The following KCNQ1 variants were observed in gnomAD, a reference collection of about 807,000 sequenced individuals.
KCNQ1 encodes potassium voltage-gated channel subfamily KQT member 1.
Under a neutral mutation model 72.4 loss-of-function variants are expected in KCNQ1, and 49 were observed. That is an observed-to-expected ratio of 0.68 (90% confidence interval 0.54 to 0.86). The LOEUF (loss-of-function observed/expected upper bound fraction) is 0.86. Ranked by LOEUF, KCNQ1 falls within the 40% of genes least tolerant of loss-of-function variation. The probability of loss-of-function intolerance (pLI) is 0.00; values close to 1 mark genes in which losing one functional copy is unlikely to be tolerated. For missense variants in KCNQ1, 790 were observed against 945.1 expected (o/e 0.84, Z 2.15); for synonymous variants, 450 against 412.6 (o/e 1.09, Z -1.10).
chr11:2,577,748 G>T (rs559503779), intron 6 of KCNQ1, among the ~76,000 whole-genome samples: 26 of 152,222 alleles, frequency 1.7e-4, no homozygotes, highest in African/African-American at 6.0e-4. Flanking sequence ...GAGACAGGCC[G>T]GAGTCTCCAG....
chr11:2,626,140 C>T lies in KCNQ1; in HGVS notation c.1394-35821C>T. The T allele has an allele frequency of 2.5e-6, 1 of 398,230 alleles. No homozygotes were observed. The highest frequency in any genetic ancestry group is 4.4e-6 in the Non-Finnish European group (1 of 226,054). 24.7% of individuals were successfully genotyped at this position (398,230 alleles called of 1,614,324 possible). A position where few individuals can be genotyped will look rare whatever the true frequency, so the allele number is the denominator to read the frequency against. ...TTGGTGTCGCATACAAGAAGCACTG[C>T]CAATGATGTAAAGTTTTTCCCCTAT... On this transcript the variant is annotated intron_variant, in intron 10 of 15. Transcript: ENST00000155840. This position sits in a 1 kb window ranked among gnomAD's most constrained non-coding sequence, Gnocchi z 4.0.
At chr11:2,628,770 T>TTA (rs1849303226) in intron 10 of KCNQ1, 1 of 398,300 alleles carries the variant, frequency 2.5e-6, no homozygotes, top group Admixed American at 4.4e-5. Context: ...GGTCATATGT[T>TTA]TAAATCTTAT....
At chr11:2,837,446 T>C (rs1848095514) in intron 15 of KCNQ1, among the ~76,000 whole-genome samples, 2 of 152,158 alleles carry the variant, frequency 1.3e-5, no homozygotes, top group South Asian at 4.1e-4. Context: ...CAGGCTGCAC[T>C]GTGCCACAGA....
At chr11:2,581,095 TAGAC>T (rs1277748093) in intron 6 of KCNQ1, among the ~76,000 whole-genome samples, 1 of 152,180 alleles carries the variant, frequency 6.6e-6, no homozygotes, top group Non-Finnish European at 1.5e-5. Context: ...AAATCTGGAT[TAGAC>T]AGACTCTGGA....
intron 15 of KCNQ1, among the ~76,000 whole-genome samples, chr11:2,779,898 C>A (rs1208286049): frequency 6.6e-6 from 1 of 152,212 alleles, no homozygotes; most frequent in Non-Finnish European, 1.5e-5. Context: ...ATCTGAGCAA[C>A]AAAGGGAAGC....
rs1044382058 is a variant in KCNQ1 at position 2,762,806 on chromosome 11, C to G, written c.1515-6038C>G. Among the ~76,000 whole-genome samples the G allele has an allele frequency of 2.0e-5, 3 of 152,198 alleles. No individual in the cohort carries two copies. The highest frequency in any genetic ancestry group is 4.8e-5 in the African/African-American group (2 of 41,452). On this transcript the variant is annotated intron_variant, in intron 11 of 15. Coordinates refer to ENST00000155840, the MANE Select transcript of KCNQ1 (RefSeq NM_000218.3). The surrounding 1 kb of genome is among the most constrained non-coding windows in gnomAD (Gnocchi z 4.3). ...GTTTCATCCTGAAACCATCTCCCCC[C>G]ACCCCACCCCGTCCACGGAAAAAGT...
rs1418126243 is a variant in KCNQ1, at chr11:2,775,846, G to T, written c.1591-114G>T. On this transcript the variant is annotated intron_variant, in intron 12 of 15. Coordinates refer to ENST00000155840, the MANE Select transcript of KCNQ1 (RefSeq NM_000218.3). ...AGGCTTATGCCATCACCACATAGGC[G>T]AGCTCCCAGGTCTTCACAAGCCTCC... 4 of 979,964 alleles carry T rather than the reference G, an allele frequency of 4.1e-6. No homozygotes were observed. In the African/African-American group the frequency reaches 4.8e-5, roughly 12 times the overall value. The allele number at this position is 979,964 out of a possible 1,614,324, so 60.7% of individuals were successfully genotyped here.
intron 11 of KCNQ1, 121 bp downstream of exon 11, chr11:2,662,202 C>A: frequency 1.4e-6 from 2 of 1,380,094 alleles, no homozygotes; most frequent in Non-Finnish European, 2.0e-6. Flanking sequence ...CTAGTGCCCA[C>A]CACTTGCCGT....
rs1001293702 is a variant in KCNQ1, at chr11:2,572,964, C to G, written c.899C>G (p.Ala300Gly). 1.2e-6 allele frequency: 2 copies of G among 1,613,702 alleles called. No homozygotes were observed. Among genetic ancestry groups the G allele is most frequent in the Non-Finnish European group, 1.7e-6 (2 of 1,179,974 alleles). ...ESGRVEFGSY[A>G]DALWWGVVTV... is the part of the protein sequence containing the mutation. ...GGCCGCGTGGAGTTCGGCAGCTACG[C>G]AGATGCGCTGTGGTGGGGGGTGGTA... Residue 300 changes from alanine to glycine, a missense_variant, in exon 6 of 16, where the codon GCA (alanine) becomes GGA (glycine). Ala to Gly is a moderately conservative substitution (Grantham distance 60). This residue lies in a region of KCNQ1 where 133 missense variants were observed against 219.5 expected (regional missense o/e 0.61). Transcript: ENST00000155840.
chr11:2,473,184 G>A lies in KCNQ1; in HGVS notation c.386+27700G>A, dbSNP rs7103046. 0.56 allele frequency among the ~76,000 whole-genome samples: 84,320 copies of A among 151,926 alleles called. 24,494 individuals are homozygous for A. Among genetic ancestry groups the A allele is most frequent in the Non-Finnish European group, 0.64 (43,600 of 67,932 alleles). Reference sequence around the variant, plus strand: ...CCTGTGGCTGAGGAGAGGCCAGGACGGGCCAAGGAGAGCAGGCAAGAGAAG... The same window carrying A: ...CCTGTGGCTGAGGAGAGGCCAGGACAGGCCAAGGAGAGCAGGCAAGAGAAG... On this transcript the variant is annotated intron_variant, in intron 1 of 15. Transcript: ENST00000155840. This position sits in a 1 kb window ranked among gnomAD's most constrained non-coding sequence, Gnocchi z 6.0.
intron 15 of KCNQ1, among the ~76,000 whole-genome samples, chr11:2,839,133 G>A (rs914123875): frequency 2.6e-5 from 4 of 152,174 alleles, no homozygotes; most frequent in Non-Finnish European, 5.9e-5. Context: ...CCAGCCCTTG[G>A]GGGAGGCTCG....
At chr11:2,460,161 A>G (rs1368171767) in intron 1 of KCNQ1, among the ~76,000 whole-genome samples, 1 of 151,688 alleles carries the variant, frequency 6.6e-6, no homozygotes, top group African/African-American at 2.4e-5. Flanking sequence ...CAGGGCCCAG[A>G]CCCCTACCAG....
rs1490779072 is a variant in KCNQ1, at chr11:2,493,345, T to C, written c.387-34583T>C. Among the ~76,000 whole-genome samples, 1 of 152,220 alleles carries C rather than the reference T, an allele frequency of 6.6e-6. No homozygotes were observed. Among genetic ancestry groups the C allele is most frequent in the Non-Finnish European group, 1.5e-5 (1 of 68,032 alleles). On this transcript the variant is annotated intron_variant, in intron 1 of 15. Transcript: ENST00000155840. This position sits in a 1 kb window ranked among gnomAD's most constrained non-coding sequence, Gnocchi z 5.3. ...AGCTTCTTTTACTGTGCAGAAGCTC[T>C]TTAGTTTAATTAGATCCCATTTGTC...
At chr11:2,594,916 T>C (rs896797046) in intron 10 of KCNQ1, among the ~76,000 whole-genome samples, 5 of 152,228 alleles carry the variant, frequency 3.3e-5, no homozygotes, top group African/African-American at 7.2e-5. Context: ...GCTCATTTCA[T>C]TGTGGGTTTG....
rs558132347 is a variant in KCNQ1, at chr11:2,479,261, G to T, written c.386+33777G>T. On this transcript the variant is annotated intron_variant, in intron 1 of 15. Coordinates refer to ENST00000155840, the MANE Select transcript of KCNQ1 (RefSeq NM_000218.3). This position sits in a 1 kb window ranked among gnomAD's most constrained non-coding sequence, Gnocchi z 4.6. ...TCTTCTCACAGCTCCACTAGGCAGT[G>T]CCCCAGTGGGGACTTTGCATGGGGG... 2.6e-5 allele frequency among the ~76,000 whole-genome samples: 4 copies of T among 152,320 alleles called. No homozygotes were observed. The East Asian group carries it at 7.7e-4, about 29-fold the overall frequency.
chr11:2,722,760 A>G (rs1845690670), intron 11 of KCNQ1, among the ~76,000 whole-genome samples: 1 of 152,066 alleles, frequency 6.6e-6, no homozygotes, highest in Non-Finnish European at 1.5e-5. Flanking sequence ...AGCTGCCCCT[A>G]GATAGCTGTG....
chr11:2,692,213 C>T (rs1337499720), intron 11 of KCNQ1: 1 of 398,778 alleles, frequency 2.5e-6, no homozygotes, highest in Non-Finnish European at 4.4e-6. Flanking sequence ...GATACACCCG[C>T]TTCCTCACCA....
rs1243372095 is a variant in KCNQ1, at chr11:2,679,340, A to G, written c.1514+17259A>G. The stretch of plus-strand genomic sequence containing the variant: ...TCTGAACTCATATCCTAATTCCACT[A>G]CTTTCTACCTGCTACACCTTGAGTG... On this transcript the variant is annotated intron_variant, in intron 11 of 15. Transcript: ENST00000155840. The surrounding 1 kb of genome is among the most constrained non-coding windows in gnomAD (Gnocchi z 4.8). 2.8e-5 allele frequency: 11 copies of G among 398,464 alleles called. No individual in the cohort carries two copies. The highest frequency in any genetic ancestry group is 4.1e-5 in the African/African-American group (2 of 48,598). 24.7% of individuals were successfully genotyped at this position (398,464 alleles called of 1,614,324 possible).
chr11:2,810,888 C>T (rs1240159693), intron 15 of KCNQ1, among the ~76,000 whole-genome samples: 3 of 152,180 alleles, frequency 2.0e-5, no homozygotes, highest in African/African-American at 7.2e-5. Context: ...GGAGTCCCAC[C>T]TGTAGGACGC....
Sources: gnomAD v4.1 joint callset for allele counts (sites outside exome capture counted in the v4.1 genomes callset) on GRCh38, gnomAD v4.1.1 for gene constraint, gnomAD v4.1.1 regional missense constraint, Gnocchi (gnomAD v3.1) non-coding constraint, MANE v1.5 for transcripts, NCBI Gene and HGNC (gene_info 2026-07-23, HGNC 2026-07-21) for gene names.